Variants in ABHD2 observed in about 807,000 individuals in gnomAD.
ABHD2 encodes monoacylglycerol lipase ABHD2.
ABHD2 carries 20 observed loss-of-function variants against 48.1 expected under a neutral mutation model. The observed-to-expected ratio is 0.42, with a 90% confidence interval of 0.29 to 0.60. ABHD2 has a LOEUF of 0.60. Among genes scored for constraint, ABHD2 ranks in the 20% least tolerant of loss-of-function variants. The pLI, the probability that ABHD2 is intolerant of heterozygous loss-of-function variation, is 0.24. For missense variants in ABHD2, 405 were observed against 550.9 expected (o/e 0.74, Z 2.65); for synonymous variants, 209 against 214.2 (o/e 0.98, Z 0.21).
intron 5 of ABHD2, among the ~76,000 whole-genome samples, chr15:89,163,514 A>C (rs2050793286): frequency 6.6e-6 from 1 of 152,184 alleles, no homozygotes; most frequent in Non-Finnish European, 1.5e-5. Flanking sequence ...CCCACTTCAC[A>C]GGCTTAGGGA....
chr15:89,072,734 C>T, the ABHD2 span, among the ~76,000 whole-genome samples: 1 of 152,134 alleles, frequency 6.6e-6, no homozygotes, highest in African/African-American at 2.4e-5. Context: ...CCCATTCATC[C>T]ATTTCTTATT....
chr15:89,084,499 C>T (rs945837812), upstream of ABHD2, among the ~76,000 whole-genome samples: 105 of 152,126 alleles, frequency 6.9e-4, no homozygotes, highest in African/African-American at 2.4e-3. The surrounding 1 kb of genome is among the most constrained non-coding windows in gnomAD (Gnocchi z 4.4). Flanking sequence ...GGTGTTTCGC[C>T]AATTGACCAG....
Position 89,188,375 on chromosome 15 carries a change from C to A in ABHD2, c.926+72C>A. The A allele has an allele frequency of 7.4e-7, 1 of 1,358,808 alleles. No homozygotes were observed. Among genetic ancestry groups the A allele is most frequent in the Non-Finnish European group, 1.0e-6 (1 of 956,228 alleles). The allele number at this position is 1,358,808 out of a possible 1,614,324, so 84.2% of individuals were successfully genotyped here. Reference sequence around the variant, plus strand: ...GGCAGGAGGCTGCAGGTCAGCTGTGCCCAGCACTAGTGTTTGCTCTGCCTA... The same window carrying A: ...GGCAGGAGGCTGCAGGTCAGCTGTGACCAGCACTAGTGTTTGCTCTGCCTA... On this transcript the variant is annotated intron_variant, in intron 8 of 10. Coordinates refer to ENST00000352732, the MANE Select transcript of ABHD2 (RefSeq NM_152924.5). The surrounding 1 kb of genome is among the most constrained non-coding windows in gnomAD (Gnocchi z 4.1).
At chr15:89,111,100 A>G (rs1244532811) in intron 1 of ABHD2, among the ~76,000 whole-genome samples, 3 of 152,246 alleles carry the variant, frequency 2.0e-5, no homozygotes, top group African/African-American at 7.2e-5. Flanking sequence ...AAGCATAATC[A>G]CATGCATTAA....
the ABHD2 span, among the ~76,000 whole-genome samples, chr15:89,051,797 T>A: frequency 6.6e-6 from 1 of 152,212 alleles, no homozygotes; most frequent in Non-Finnish European, 1.5e-5. Context: ...GTGAGTCAAT[T>A]AAACCTCTTT....
intron 5 of ABHD2, among the ~76,000 whole-genome samples, chr15:89,159,087 C>T (rs1323118765): frequency 6.6e-6 from 1 of 151,892 alleles, no homozygotes; most frequent in African/African-American, 2.4e-5. Flanking sequence ...TAAAGAATTA[C>T]AATACAACGC....
chr15:89,056,191 G>A, the ABHD2 span, among the ~76,000 whole-genome samples: 14 of 152,174 alleles, frequency 9.2e-5, no homozygotes, highest in South Asian at 2.5e-3. Context: ...AAATGGAGGT[G>A]GGAATCCCTC....
intron 2 of ABHD2, among the ~76,000 whole-genome samples, chr15:89,115,370 ATGTGTGTGTGTGTGTGTGTGTGTGTGTG>A (rs1164718189): frequency 1.4e-4 from 14 of 100,634 alleles, no homozygotes; most frequent in African/African-American, 2.1e-4. Context: ...GTTTGGAGGT[ATGTGTGTGTGTGTGTGTGTGTGTGTGTG>A]TGTGTGTGTG....
At chr15:89,161,984 A>G (rs1044395105) in intron 5 of ABHD2, among the ~76,000 whole-genome samples, 1 of 152,162 alleles carries the variant, frequency 6.6e-6, no homozygotes. Context: ...GATTCACACT[A>G]CAGTCACCTG....
chr15:89,136,760 A>G (rs2050320254), intron 3 of ABHD2, among the ~76,000 whole-genome samples: 1 of 152,248 alleles, frequency 6.6e-6, no homozygotes, highest in African/African-American at 2.4e-5. Context: ...CTCCACTAGG[A>G]ATAGTGGCAA....
At chr15:89,171,355 C>G (rs970913681) in intron 5 of ABHD2, among the ~76,000 whole-genome samples, 6 of 152,104 alleles carry the variant, frequency 3.9e-5, no homozygotes, top group Non-Finnish European at 8.8e-5. Flanking sequence ...TGCATTTGAA[C>G]CAGTTCCCAG....
chr15:89,085,388 C>T (rs1310858792), upstream of ABHD2, among the ~76,000 whole-genome samples: 1 of 151,958 alleles, frequency 6.6e-6, no homozygotes, highest in Non-Finnish European at 1.5e-5. This position sits in a 1 kb window ranked among gnomAD's most constrained non-coding sequence, Gnocchi z 4.2. Flanking sequence ...AAATGGCCTC[C>T]CTCAGAAATG....
intron 3 of ABHD2, among the ~76,000 whole-genome samples, chr15:89,119,010 CA>C (rs1417850426): frequency 1.3e-5 from 2 of 152,152 alleles, no homozygotes; most frequent in Non-Finnish European, 2.9e-5. Context: ...AAATTAGCAT[CA>C]GCCTAAGCCA....
chr15:89,065,095 G>A, the ABHD2 span, among the ~76,000 whole-genome samples: 2 of 152,152 alleles, frequency 1.3e-5, no homozygotes, highest in African/African-American at 2.4e-5. Flanking sequence ...AAACATGGGT[G>A]CTATGGGCAT....
chr15:89,108,907 G>T (rs293386), intron 1 of ABHD2, among the ~76,000 whole-genome samples: 2 of 152,018 alleles, frequency 1.3e-5, no homozygotes, highest in Non-Finnish European at 1.5e-5. Flanking sequence ...CCGCAATTCT[G>T]TCCCTAGAAT....
chr15:89,086,426 T>C (rs1015243613), upstream of ABHD2, among the ~76,000 whole-genome samples: 4 of 152,196 alleles, frequency 2.6e-5, no homozygotes, highest in African/African-American at 9.7e-5. Flanking sequence ...TTATTATGTT[T>C]ATTTGTCAAA....
At position 89,151,201 on chromosome 15, in the gene ABHD2, A is replaced by G. The variant is rs1419192296; in HGVS notation, c.195-476A>G. Among the ~76,000 whole-genome samples, 1 of 152,214 alleles carries G rather than the reference A, an allele frequency of 6.6e-6. No individual in the cohort carries two copies. The highest frequency in any genetic ancestry group is 1.9e-4 in the East Asian group (1 of 5,200). On this transcript the variant is annotated intron_variant, in intron 3 of 10. Transcript: ENST00000352732. This position sits in a 1 kb window ranked among gnomAD's most constrained non-coding sequence, Gnocchi z 4.7. ...GCAGCCCTTCCCAGCACTAACTGAG[A>G]GTAGCAGGTTTGGCTAATGGAGTAA...
intron 3 of ABHD2, among the ~76,000 whole-genome samples, chr15:89,125,067 G>C (rs1596087130): frequency 1.3e-5 from 2 of 151,488 alleles, no homozygotes; most frequent in South Asian, 4.2e-4. Flanking sequence ...CCAGCCTTGG[G>C]GACAAGAGTG....
intron 3 of ABHD2, among the ~76,000 whole-genome samples, chr15:89,133,075 C>T (rs1172572878): frequency 6.6e-6 from 1 of 152,206 alleles, no homozygotes; most frequent in East Asian, 1.9e-4. Context: ...GTCAAGAAGC[C>T]TGGCTGCATT....
Sources: allele counts gnomAD v4.1 joint callset (sites outside exome capture counted in the v4.1 genomes callset), GRCh38; gene constraint gnomAD v4.1.1; non-coding constraint Gnocchi (gnomAD v3.1); transcripts MANE v1.5; gene names NCBI Gene and HGNC (gene_info 2026-07-23, HGNC 2026-07-21).